Variants in FAM220A observed in about 807,000 individuals in gnomAD.
The protein encoded by FAM220A is family with sequence similarity 220 member A, also known as protein FAM220A.
For missense variants in FAM220A, 392 were observed against 321.6 expected (o/e 1.22, Z -1.68); for synonymous variants, 141 against 130.7 (o/e 1.08, Z -0.54).
chr7:6,337,112 C>G (rs1781763570), intron 1 of FAM220A, among the ~76,000 whole-genome samples: 1 of 150,408 alleles, frequency 6.6e-6, no homozygotes, highest in African/African-American at 2.4e-5. Flanking sequence ...CTCTGTCTCG[C>G]CCAGGCTGGA....
At chr7:6,348,540 G>A (rs987500039) in intron 1 of FAM220A, 33 bp downstream of exon 1, 7 of 421,238 alleles carry the variant, frequency 1.7e-5, no homozygotes, top group Non-Finnish European at 2.9e-5. Flanking sequence ...CGCTCGGGGA[G>A]GGCCGGGGGC....
intron 1 of FAM220A, among the ~76,000 whole-genome samples, chr7:6,333,840 CTTTTTTTTTTTT>C (rs904989717): frequency 1.0e-5 from 1 of 96,844 alleles, no homozygotes; most frequent in African/African-American, 3.9e-5. Context: ...CTCCTGGCCT[CTTTTTTTTTTTT>C]TTTTTTTTTG....
chr7:6,336,039 G>C (rs1781739675), intron 1 of FAM220A, among the ~76,000 whole-genome samples: 3 of 151,944 alleles, frequency 2.0e-5, no homozygotes, highest in African/African-American at 4.8e-5. Context: ...GGGGCATGGT[G>C]GTGCACACCT....
intron 1 of FAM220A, among the ~76,000 whole-genome samples, chr7:6,336,884 G>C (rs572579435): frequency 1.3e-5 from 2 of 151,654 alleles, no homozygotes; most frequent in Non-Finnish European, 3.0e-5. Context: ...GAACTCCTGG[G>C]CTCAAGTGAT....
chr7:6,347,883 TTTATTATTATTATTATTA>T (rs143253434), intron 1 of FAM220A, among the ~76,000 whole-genome samples: 12 of 131,538 alleles, frequency 9.1e-5, no homozygotes, highest in South Asian at 2.6e-4. Context: ...ACGAGACCCC[TTTATTATTATTATTATTA>T]TTATTATTAT....
chr7:6,343,143 G>A (rs376932763), intron 1 of FAM220A, among the ~76,000 whole-genome samples: 56 of 151,722 alleles, frequency 3.7e-4, no homozygotes, highest in African/African-American at 1.1e-3. Flanking sequence ...TTGGGAGGCC[G>A]AGGAGGGTGG....
At position 6,329,727 on chromosome 7, in the gene FAM220A, C is replaced by T. The variant is rs1434112167; in HGVS notation, c.*648G>A. 2 of 166,244 alleles carry T rather than the reference C, an allele frequency of 1.2e-5. No homozygotes were observed. Among genetic ancestry groups the T allele is most frequent in the Non-Finnish European group, 2.9e-5 (2 of 68,146 alleles). 10.3% of individuals were successfully genotyped at this position (166,244 alleles called of 1,614,324 possible). A position where few individuals can be genotyped will look rare whatever the true frequency, so the allele number is the denominator to read the frequency against. On this transcript the variant is annotated 3_prime_UTR_variant, in exon 2 of 2. Transcript: ENST00000313324. ...GATTTGCTTCTCTGTAACTGAGCTA[C>T]TTTTTTCTCGAGCTCATTTTTGTTT...
chr7:6,341,007 G>A (rs1261499218), intron 1 of FAM220A, among the ~76,000 whole-genome samples: 1 of 150,628 alleles, frequency 6.6e-6, no homozygotes, highest in Non-Finnish European at 1.5e-5. Flanking sequence ...AGCCAGGTGT[G>A]GTGGTGGGAA....
chr7:6,346,203 C>A (rs1404770634), intron 1 of FAM220A, among the ~76,000 whole-genome samples: 1 of 152,110 alleles, frequency 6.6e-6, no homozygotes, highest in East Asian at 1.9e-4. Context: ...CAGGCCTTCT[C>A]GTTTACCAGT....
chr7:6,338,859 G>A (rs1419519976), intron 1 of FAM220A, among the ~76,000 whole-genome samples: 1 of 152,160 alleles, frequency 6.6e-6, no homozygotes, highest in Non-Finnish European at 1.5e-5. Context: ...GTCCCAAAGG[G>A]GAGAAGACAC....
chr7:6,331,358 T>C, intron 1 of FAM220A, 123 bp from the exon 2 acceptor site: 1 of 618,550 alleles, frequency 1.6e-6, no homozygotes, highest in South Asian at 2.1e-5. Flanking sequence ...GTACAGGGTT[T>C]CACCATATTG....
At chr7:6,343,427 T>TG (rs1471902409) in intron 1 of FAM220A, among the ~76,000 whole-genome samples, 1 of 98,996 alleles carries the variant, frequency 1.0e-5, no homozygotes. Context: ...TATATATATA[T>TG]ATATATATAT....
intron 1 of FAM220A, among the ~76,000 whole-genome samples, chr7:6,339,427 A>AC (rs1781806672): frequency 2.0e-5 from 3 of 151,402 alleles, no homozygotes; most frequent in Non-Finnish European, 4.4e-5. Flanking sequence ...ACATAGCAAG[A>AC]CCCCATCTCC....
intron 1 of FAM220A, among the ~76,000 whole-genome samples, chr7:6,340,807 G>C (rs12055988): frequency 6.7e-6 from 1 of 150,172 alleles, no homozygotes; most frequent in Non-Finnish European, 1.5e-5. Context: ...GCTGAGGCAG[G>C]AGAATGGCGT....
At chr7:6,334,104 C>T (rs1384155279) in intron 1 of FAM220A, among the ~76,000 whole-genome samples, 1 of 151,346 alleles carries the variant, frequency 6.6e-6, no homozygotes, top group Non-Finnish European at 1.5e-5. Context: ...CCTTGGCCTC[C>T]CAAAGTGCTG....
At chr7:6,341,130 CA>C (rs1747975369) in intron 1 of FAM220A, among the ~76,000 whole-genome samples, 1 of 143,988 alleles carries the variant, frequency 6.9e-6, no homozygotes, top group Admixed American at 7.0e-5. Flanking sequence ...GGCGACACAG[CA>C]AGACTCTGTC....
At chr7:6,339,516 C>A (rs1470077119) in intron 1 of FAM220A, among the ~76,000 whole-genome samples, 1 of 150,994 alleles carries the variant, frequency 6.6e-6, no homozygotes, top group Non-Finnish European at 1.5e-5. Flanking sequence ...CGGAGTCTCG[C>A]TCTGTCGCCC....
chr7:6,345,975 T>G lies in FAM220A; in HGVS notation c.-82+2598A>C, dbSNP rs13225567. 3.9e-5 allele frequency among the ~76,000 whole-genome samples: 6 copies of G among 151,968 alleles called. 1 individual carries two copies. In the South Asian group the frequency reaches 1.2e-3, roughly 32 times the overall value. ...GTAGAGATGGGGTTTTGCCATATTG[T>G]CCAGGCTGGTCTTAAACTCCTGACC... On this transcript the variant is annotated intron_variant, in intron 1 of 1. Coordinates refer to ENST00000313324, the MANE Select transcript of FAM220A (RefSeq NM_001037163.2).
chr7:6,340,620 G>C (rs930973908), intron 1 of FAM220A, among the ~76,000 whole-genome samples: 1 of 152,052 alleles, frequency 6.6e-6, no homozygotes, highest in Non-Finnish European at 1.5e-5. Flanking sequence ...AAAATTATGA[G>C]TGCTGGCTGG....
Sources: gnomAD v4.1 joint callset for allele counts (sites outside exome capture counted in the v4.1 genomes callset) on GRCh38, gnomAD v4.1.1 for gene constraint, MANE v1.5 for transcripts, NCBI Gene and HGNC (gene_info 2026-07-23, HGNC 2026-07-21) for gene names.